The following CD80 variants were observed in gnomAD, a reference collection of about 807,000 sequenced individuals.
CD80 encodes the protein T-lymphocyte activation antigen CD80.
A neutral mutation model predicts 27.1 loss-of-function variants in CD80; 13 were observed. The ratio of observed to expected loss-of-function variants is 0.48; its 90% confidence interval spans 0.31 to 0.76. The LOEUF is 0.76. Ranked by LOEUF, CD80 falls within the 30% of genes least tolerant of loss-of-function variation. The pLI is 0.04. For missense variants in CD80, 277 were observed against 347.9 expected (o/e 0.80, Z 1.62); for synonymous variants, 125 against 125.5 (o/e 1.00, Z 0.03).
At chr3:119,530,998 G>A (rs1457831020) in intron 4 of CD80, among the ~76,000 whole-genome samples, 1 of 152,218 alleles carries the variant, frequency 6.6e-6, no homozygotes, top group Non-Finnish European at 1.5e-5. Context: ...GTAGTTTAGT[G>A]TTAAAGATTA....
chr3:119,557,818 T>G lies in CD80; in HGVS notation c.-90A>C, dbSNP rs1162596179. 2 of 742,280 alleles carry G rather than the reference T, an allele frequency of 2.7e-6. No individual in the cohort carries two copies. Among genetic ancestry groups the G allele is most frequent in the African/African-American group, 3.6e-5 (2 of 56,174 alleles). The allele number at this position is 742,280 out of a possible 1,614,324, so 46.0% of individuals were successfully genotyped here. ...TTCCCAGGTGCAAAACAGGCAGGGC[T>G]GATGACAATCCAATTGCTCACGTAG... On this transcript the variant is annotated 5_prime_UTR_variant, in exon 2 of 7. Transcript: ENST00000264246.
chr3:119,547,778 C>T (rs1051059705), intron 2 of CD80, among the ~76,000 whole-genome samples: 9 of 152,162 alleles, frequency 5.9e-5, no homozygotes, highest in African/African-American at 2.2e-4. Context: ...AGCCACCTTA[C>T]ACCTTTGATA....
chr3:119,535,317 T>G (rs533862598), intron 4 of CD80, among the ~76,000 whole-genome samples: 1 of 152,230 alleles, frequency 6.6e-6, no homozygotes, highest in South Asian at 2.1e-4. Context: ...CATGAAGAAT[T>G]AAGACATGCC....
At chr3:119,551,542 A>T (rs2082232066) in intron 2 of CD80, among the ~76,000 whole-genome samples, 2 of 151,980 alleles carry the variant, frequency 1.3e-5, no homozygotes, top group African/African-American at 4.8e-5. Flanking sequence ...CTGCCATGGG[A>T]TGATGCAGCA....
intron 1 of CD80, among the ~76,000 whole-genome samples, chr3:119,558,698 G>A (rs1391357615): frequency 2.0e-5 from 3 of 151,190 alleles, no homozygotes; most frequent in Non-Finnish European, 4.4e-5. Flanking sequence ...AGGAGGTGGA[G>A]GCTGCAGTGA....
chr3:119,547,988 CT>C (rs11342226), intron 2 of CD80, among the ~76,000 whole-genome samples: 33,931 of 147,458 alleles, frequency 0.23, 4,019 homozygotes, highest in Middle Eastern at 0.31. Flanking sequence ...TTTTCTTTTT[CT>C]TTTTTTTTTT....
chr3:119,530,136 T>C (rs1357255444), intron 4 of CD80, among the ~76,000 whole-genome samples, 199 bp from the exon 5 acceptor site: 1 of 152,224 alleles, frequency 6.6e-6, no homozygotes, highest in African/African-American at 2.4e-5. Flanking sequence ...TGTCACATAT[T>C]AAAAGTGAAA....
chr3:119,544,383 T>A, intron 3 of CD80, 167 bp downstream of exon 3: 1 of 613,024 alleles, frequency 1.6e-6, no homozygotes, highest in Non-Finnish European at 2.9e-6. Flanking sequence ...TTCCAGGACA[T>A]CTTTAGAAAC....
At chr3:119,539,539 G>C (rs940472273) in intron 3 of CD80, among the ~76,000 whole-genome samples, 1 of 152,054 alleles carries the variant, frequency 6.6e-6, no homozygotes, top group Admixed American at 6.6e-5. Context: ...ATGCCTTAAA[G>C]GGACAGGAAG....
chr3:119,552,513 CA>C (rs11369803), intron 2 of CD80, among the ~76,000 whole-genome samples: 2,368 of 31,248 alleles, frequency 0.076, 36 homozygotes, highest in African/African-American at 0.21. Flanking sequence ...GACTCTGTCT[CA>C]AAAAAAAAAA....
At chr3:119,549,129 G>A (rs1328726194) in intron 2 of CD80, among the ~76,000 whole-genome samples, 1 of 152,096 alleles carries the variant, frequency 6.6e-6, no homozygotes, top group Non-Finnish European at 1.5e-5. Context: ...TGACTCCCAT[G>A]CTTATACCTT....
chr3:119,527,796 C>G lies in CD80; in HGVS notation c.842G>C (p.Arg281Thr). ...TTATACAGGGCGTACACTTTCCCTT[C>G]TCAATCTCTCATTCCTCCTTCTCTC... ...CRERRRNERL[R>T]RESVRPV The change falls in exon 6 of 7, where the codon AGA becomes ACA. Residue 281 changes from arginine to threonine, a missense_variant. Arg to Thr is a moderately conservative substitution (Grantham distance 71, BLOSUM62 -1). Transcript: ENST00000264246. The G allele has an allele frequency of 6.2e-7, 1 of 1,614,024 alleles. No individual in the cohort carries two copies. Among genetic ancestry groups the G allele is most frequent in the Non-Finnish European group, 8.5e-7 (1 of 1,179,890 alleles).
At chr3:119,545,786 G>T (rs1017179735) in intron 2 of CD80, among the ~76,000 whole-genome samples, 10 of 151,754 alleles carry the variant, frequency 6.6e-5, no homozygotes, top group Non-Finnish European at 1.2e-4. Flanking sequence ...TGGACATTTG[G>T]CTTGCTTCCC....
intron 5 of CD80, among the ~76,000 whole-genome samples, 180 bp from the exon 6 acceptor site, chr3:119,528,021 G>A (rs1264729670): frequency 6.6e-6 from 1 of 152,174 alleles, no homozygotes; most frequent in East Asian, 1.9e-4. Flanking sequence ...ATTTGGCAAT[G>A]CTTGGGGATA....
intron 3 of CD80, among the ~76,000 whole-genome samples, chr3:119,538,195 CT>C (rs2082149749): frequency 6.6e-6 from 1 of 152,172 alleles, no homozygotes; most frequent in Admixed American, 6.5e-5. Context: ...AGTAATCAAA[CT>C]GAGGTTTAGA....
chr3:119,549,112 G>T (rs975272960), intron 2 of CD80, among the ~76,000 whole-genome samples: 2 of 152,176 alleles, frequency 1.3e-5, no homozygotes, highest in East Asian at 3.9e-4. Context: ...ATGGTTCCAG[G>T]CTGAAATGAC....
intron 2 of CD80, among the ~76,000 whole-genome samples, chr3:119,553,321 G>A (rs985380722): frequency 6.6e-6 from 1 of 151,974 alleles, no homozygotes; most frequent in African/African-American, 2.4e-5. Context: ...TGCATTTTTA[G>A]TAGAGACAGG....
intron 2 of CD80, 121 bp from the exon 3 acceptor site, chr3:119,544,988 T>C (rs1267887495): frequency 1.1e-5 from 8 of 748,966 alleles, no homozygotes; most frequent in South Asian, 6.0e-5. Context: ...TAAGTATCAA[T>C]CCAGTTTGAT....
chr3:119,526,291 A>T (rs192179073), intron 6 of CD80, among the ~76,000 whole-genome samples: 242 of 152,304 alleles, frequency 1.6e-3, no homozygotes, highest in African/African-American at 5.6e-3. Flanking sequence ...GCTAGACAAG[A>T]TGACCACAGA....
Sources: gnomAD v4.1 joint callset for allele counts (sites outside exome capture counted in the v4.1 genomes callset) on GRCh38, gnomAD v4.1.1 for gene constraint, MANE v1.5 for transcripts, NCBI Gene and HGNC (gene_info 2026-07-23, HGNC 2026-07-21) for gene names.